ARHGAP24: variants seen among roughly 807,000 people sequenced by gnomAD.
ARHGAP24 encodes the protein rho GTPase-activating protein 24.
ARHGAP24 carries 50 observed loss-of-function variants against 76.4 expected under a neutral mutation model. That is an observed-to-expected ratio of 0.65 (90% confidence interval 0.52 to 0.83). The LOEUF (loss-of-function observed/expected upper bound fraction) is 0.83, where lower values mean the gene tolerates loss of function less well. ARHGAP24 is among the 40% of genes least tolerant of loss of function. The pLI, the probability that ARHGAP24 is intolerant of heterozygous loss-of-function variation, is 0.00. For missense variants in ARHGAP24, 930 were observed against 914.2 expected, an observed-to-expected ratio of 1.02 and a Z score of -0.22; for synonymous variants, 345 against 323.3, an observed-to-expected ratio of 1.07 and a Z score of -0.72.
At chr4:85,785,502 TG>T (rs1397419097) in intron 3 of ARHGAP24, among the ~76,000 whole-genome samples, 11 of 151,230 alleles carry the variant, frequency 7.3e-5, no homozygotes, top group Non-Finnish European at 4.4e-5. Flanking sequence ...TGTTTTGTTT[TG>T]TTTTTTTAAG....
At position 85,518,363 on chromosome 4, in the gene ARHGAP24, T is replaced by A. The variant is rs534957871; in HGVS notation, c.-21+42804T>A. On this transcript the variant is annotated intron_variant, in intron 1 of 9. Coordinates refer to ENST00000395184, the MANE Select transcript of ARHGAP24 (RefSeq NM_001025616.3). ...TTTGTTATTTCTTTTTTTAAAAAAA[T>A]TTATTTATTTATATTTTCATAAGTT... 1.7e-3 allele frequency among the ~76,000 whole-genome samples: 254 copies of A among 152,094 alleles called. 2 individuals are homozygous for A. Among genetic ancestry groups the A allele is most frequent in the South Asian group, 0.011 (54 of 4,818 alleles).
intron 5 of ARHGAP24, among the ~76,000 whole-genome samples, chr4:85,965,446 C>A (rs1738534305): frequency 6.6e-6 from 1 of 152,050 alleles, no homozygotes. Flanking sequence ...GGCACTATGT[C>A]CCCACCAACG....
chr4:85,844,665 C>T (rs1207160622), intron 3 of ARHGAP24, among the ~76,000 whole-genome samples: 1 of 152,060 alleles, frequency 6.6e-6, no homozygotes, highest in Admixed American at 6.6e-5. Context: ...GGATGTGTCC[C>T]GTATAAATTG....
intron 2 of ARHGAP24, among the ~76,000 whole-genome samples, chr4:85,584,708 TATGGGCAG>T (rs1727774359): frequency 6.6e-6 from 1 of 152,096 alleles, no homozygotes; most frequent in Admixed American, 6.6e-5. Flanking sequence ...ATTCTGTAGA[TATGGGCAG>T]GATCCAAACT....
chr4:85,779,947 T>C (rs1299874473), intron 3 of ARHGAP24, among the ~76,000 whole-genome samples: 5 of 152,222 alleles, frequency 3.3e-5, no homozygotes, highest in Non-Finnish European at 5.9e-5. Context: ...TGAAAAGCTT[T>C]TCAAAGAATT....
intron 1 of ARHGAP24, among the ~76,000 whole-genome samples, chr4:85,520,959 G>C (rs527691669): frequency 5.4e-4 from 83 of 152,324 alleles, no homozygotes; most frequent in African/African-American, 1.9e-3. Context: ...TGTGAGAGCA[G>C]AGAAGTTGAC....
At chr4:85,680,166 T>C (rs1381063774) in intron 2 of ARHGAP24, among the ~76,000 whole-genome samples, 2 of 152,194 alleles carry the variant, frequency 1.3e-5, no homozygotes, top group Non-Finnish European at 2.9e-5. Context: ...CTGATCGGCA[T>C]GAGCAGTACA....
chr4:85,631,577 A>G (rs992389741), intron 2 of ARHGAP24, among the ~76,000 whole-genome samples: 3 of 152,164 alleles, frequency 2.0e-5, no homozygotes, highest in Admixed American at 1.3e-4. Flanking sequence ...AAAAAATTAT[A>G]CAACCGTAAT....
At position 85,912,092 on chromosome 4, in the gene ARHGAP24, G is replaced by C. The variant is rs554650405; in HGVS notation, c.269-11556G>C. The stretch of plus-strand genomic sequence containing the variant: ...AGCATTATTTTCAACATATGTTGAA[G>C]GAAGAGTTTACTTGATGAAATCATA... On this transcript the variant is annotated intron_variant, in intron 3 of 9. Coordinates refer to ENST00000395184, the MANE Select transcript of ARHGAP24 (RefSeq NM_001025616.3). Among the ~76,000 whole-genome samples the C allele has an allele frequency of 8.5e-5, 13 of 152,248 alleles. No homozygotes were observed. In the South Asian group the frequency reaches 2.7e-3, roughly 32 times the overall value.
chr4:85,694,288 A>G (rs1723789072), intron 2 of ARHGAP24, among the ~76,000 whole-genome samples: 1 of 152,006 alleles, frequency 6.6e-6, no homozygotes, highest in Non-Finnish European at 1.5e-5. Flanking sequence ...GTGGGAAAGA[A>G]CCACTGGTGT....
At chr4:85,874,830 TA>T (rs550174865) in intron 3 of ARHGAP24, among the ~76,000 whole-genome samples, 2,435 of 9,838 alleles carry the variant, frequency 0.25, 711 homozygotes, top group African/African-American at 0.37. Flanking sequence ...AATTTATATA[TA>T]AAATATATTT....
intron 2 of ARHGAP24, among the ~76,000 whole-genome samples, chr4:85,608,823 G>A (rs1720292522): frequency 6.6e-6 from 1 of 152,038 alleles, no homozygotes; most frequent in South Asian, 2.1e-4. Context: ...GCCTCCCAAA[G>A]TGTTGGGATT....
intron 3 of ARHGAP24, among the ~76,000 whole-genome samples, chr4:85,885,809 A>G (rs1031800493): frequency 1.2e-4 from 19 of 152,102 alleles, no homozygotes; most frequent in African/African-American, 4.6e-4. Context: ...TTTTAATTTA[A>G]TTGTTTAAAG....
chr4:85,515,446 G>A (rs9985756), intron 1 of ARHGAP24, among the ~76,000 whole-genome samples: 98,970 of 147,568 alleles, frequency 0.67, 34,918 homozygotes, highest in East Asian at 0.9. Context: ...GGTAATCATT[G>A]TTTTTGAGAA....
intron 2 of ARHGAP24, among the ~76,000 whole-genome samples, chr4:85,714,236 A>ATCC (rs1019747694): frequency 1.2e-4 from 19 of 152,170 alleles, no homozygotes; most frequent in African/African-American, 3.4e-4. Flanking sequence ...GGGGTAAAGG[A>ATCC]TCCTCCGGTC....
At chr4:85,642,291 C>A (rs1449740295) in intron 2 of ARHGAP24, among the ~76,000 whole-genome samples, 1 of 152,124 alleles carries the variant, frequency 6.6e-6, no homozygotes, top group Non-Finnish European at 1.5e-5. Flanking sequence ...GCCATAGAAT[C>A]ATGGATGAAA....
chr4:85,661,575 G>C (rs1217055900), intron 2 of ARHGAP24, among the ~76,000 whole-genome samples: 2 of 151,806 alleles, frequency 1.3e-5, no homozygotes, highest in Non-Finnish European at 2.9e-5. Flanking sequence ...GTGCAGGTTA[G>C]TTACATATGT....
intron 4 of ARHGAP24, among the ~76,000 whole-genome samples, chr4:85,934,154 A>G (rs997838443): frequency 2.0e-4 from 31 of 152,328 alleles, no homozygotes; most frequent in Non-Finnish European, 4.1e-4. Flanking sequence ...CTGTATTTCT[A>G]AAACAGTGCT....
intron 1 of ARHGAP24, among the ~76,000 whole-genome samples, chr4:85,515,506 T>A (rs1205275485): frequency 2.0e-5 from 3 of 150,008 alleles, no homozygotes; most frequent in African/African-American, 4.9e-5. Context: ...ATATATATAT[T>A]CTTATTCTTT....
Sources: allele counts gnomAD v4.1 joint callset (sites outside exome capture counted in the v4.1 genomes callset), GRCh38; gene constraint gnomAD v4.1.1; transcripts MANE v1.5; gene names NCBI Gene and HGNC (gene_info 2026-07-23, HGNC 2026-07-21).